GPER1: variants seen among roughly 807,000 people sequenced by gnomAD.
The protein encoded by GPER1 is G protein-coupled estrogen receptor 1.
GPER1 carries 2 observed loss-of-function variants against 0.6 expected under a neutral mutation model. That is an observed-to-expected ratio of 3.41 (90% confidence interval 1.39 to 10.72). The LOEUF (loss-of-function observed/expected upper bound fraction) is 10.72. Among genes scored for constraint, GPER1 ranks in the 30% most tolerant of loss-of-function variants. The pLI is 0.04. For missense variants in GPER1, 441 were observed against 535.2 expected, an observed-to-expected ratio of 0.82 and a Z score of 1.74; for synonymous variants, 263 against 247.6, an observed-to-expected ratio of 1.06 and a Z score of -0.58.
In GPER1 at chr7:1,088,674, C is replaced by G. The variant is rs942980298; in HGVS notation, c.-323+353C>G. Among the ~76,000 whole-genome samples, 1 of 152,212 alleles carries G rather than the reference C, an allele frequency of 6.6e-6. No homozygotes were observed. The highest frequency in any genetic ancestry group is 2.1e-4 in the South Asian group (1 of 4,838). On this transcript the variant is annotated intron_variant, in intron 1 of 1. Transcript: ENST00000397088. This position sits in a 1 kb window ranked among gnomAD's most constrained non-coding sequence, Gnocchi z 4.5. Reference sequence around the variant, plus strand: ...CCCTGCGGTGCCCCAGTCACTCTCACCAACCCTGAAGCCCTGGGAGGGCCA... The same window carrying G: ...CCCTGCGGTGCCCCAGTCACTCTCAGCAACCCTGAAGCCCTGGGAGGGCCA...
chr7:1,092,987 C>T lies in GPER1; in HGVS notation c.*131C>T, dbSNP rs941555697. 27 of 859,600 alleles carry T rather than the reference C, an allele frequency of 3.1e-5. No homozygotes were observed. The highest frequency in any genetic ancestry group is 4.7e-5 in the Non-Finnish European group (24 of 516,014). The allele number at this position is 859,600 out of a possible 1,614,324, so 53.2% of individuals were successfully genotyped here. A position where few individuals can be genotyped will look rare whatever the true frequency, so the allele number is the denominator to read the frequency against. Reference sequence around the variant, plus strand: ...TGGCTTCTGGCTCCTCGGGGCCTCGCGAGGGTCACGCTTGCCTGGTCACCC... The same window carrying T: ...TGGCTTCTGGCTCCTCGGGGCCTCGTGAGGGTCACGCTTGCCTGGTCACCC... On this transcript the variant is annotated 3_prime_UTR_variant, in exon 2 of 2. Transcript: ENST00000397088.
chr7:1,090,970 A>T (rs138249891), intron 1 of GPER1, among the ~76,000 whole-genome samples: 1 of 151,544 alleles, frequency 6.6e-6, no homozygotes, highest in South Asian at 2.1e-4. Flanking sequence ...TTCTGGACCC[A>T]CTCTCTCTCT....
Position 1,092,108 on chromosome 7 carries a change from C to T in GPER1, c.380C>T (p.Ala127Val). 1 of 1,613,868 alleles carries T rather than the reference C, an allele frequency of 6.2e-7. No individual in the cohort carries two copies. Among genetic ancestry groups the T allele is most frequent in the African/African-American group, 1.3e-5 (1 of 75,068 alleles). The change falls in exon 2 of 2, where the codon GCC becomes GTC. Residue 127 changes from alanine to valine, a missense_variant. Transcript: ENST00000397088. ...FNLHERYYDIAVLCTFMSLFL... is the reference protein window; with the variant it reads ...FNLHERYYDIVVLCTFMSLFL... ...CTGCACGAGCGGTACTACGACATCGCCGTCCTGTGCACCTTCATGTCGCTC... is the reference window on the plus strand; with the variant it reads ...CTGCACGAGCGGTACTACGACATCGTCGTCCTGTGCACCTTCATGTCGCTC...
upstream of GPER1, among the ~76,000 whole-genome samples, chr7:1,087,470 G>A (rs2128224323): frequency 6.6e-6 from 1 of 152,312 alleles, no homozygotes; most frequent in South Asian, 2.1e-4. Context: ...CTGCCTGAAG[G>A]CAACTTTATA....
rs1787568335 is a variant in GPER1, at chr7:1,088,125, G to A, written c.-519G>A. On this transcript the variant is annotated 5_prime_UTR_variant, in exon 1 of 2. Coordinates refer to ENST00000397088, the MANE Select transcript of GPER1 (RefSeq NM_001098201.3). This position sits in a 1 kb window ranked among gnomAD's most constrained non-coding sequence, Gnocchi z 4.5. ...AAGGGGCAGACTCACTGGCTCAGAG[G>A]GAGGACGCACCCGCCAGCCAGCCGG... 6.6e-6 allele frequency: 1 copy of A among 152,308 alleles called. No individual in the cohort carries two copies. Among genetic ancestry groups the A allele is most frequent in the Admixed American group, 6.5e-5 (1 of 15,292 alleles). The allele number at this position is 152,308 out of a possible 1,614,324, so 9.4% of individuals were successfully genotyped here.
In GPER1 at chr7:1,092,197, A is replaced by G. The variant is rs1788062209; in HGVS notation, c.469A>G (p.Ile157Val). 6.2e-7 allele frequency: 1 copy of G among 1,613,164 alleles called. No homozygotes were observed. Among genetic ancestry groups the G allele is most frequent in the Admixed American group, 1.7e-5 (1 of 60,008 alleles). ...FLTWMSFDRY[I>V]ALARAMRCSL... ...CACCTGGATGAGCTTCGACCGCTAC[A>G]TCGCCCTGGCCAGGGCCATGCGCTG... The change falls in exon 2 of 2, where the codon ATC becomes GTC. Residue 157 changes from isoleucine (I) to valine (V), a missense_variant. Coordinates refer to ENST00000397088, the MANE Select transcript of GPER1 (RefSeq NM_001098201.3).
Position 1,093,421 on chromosome 7 carries a change from G to A in GPER1, c.*565G>A, listed in dbSNP as rs1217806844. ...AGGAAAACATGCTGCTCTGGTGCACGCCTGAGCGTCCTCCATCTTCCAGGA... is the reference window on the plus strand; with the variant it reads ...AGGAAAACATGCTGCTCTGGTGCACACCTGAGCGTCCTCCATCTTCCAGGA... On this transcript the variant is annotated 3_prime_UTR_variant, in exon 2 of 2. Transcript: ENST00000397088. 3 of 461,640 alleles carry A rather than the reference G, an allele frequency of 6.5e-6. No individual in the cohort carries two copies. The highest frequency in any genetic ancestry group is 4.4e-4 in the Middle Eastern group (1 of 2,296). The allele number at this position is 461,640 out of a possible 1,614,324, so 28.6% of individuals were successfully genotyped here. A position where few individuals can be genotyped will look rare whatever the true frequency, so the allele number is the denominator to read the frequency against.
In GPER1 at chr7:1,092,974, C is replaced by A. The variant is rs768111607; in HGVS notation, c.*118C>A. ...CTGCGGTCAGATGTGGCTTCTGGCTCCTCGGGGCCTCGCGAGGGTCACGCT... is the reference window on the plus strand; with the variant it reads ...CTGCGGTCAGATGTGGCTTCTGGCTACTCGGGGCCTCGCGAGGGTCACGCT... On this transcript the variant is annotated 3_prime_UTR_variant, in exon 2 of 2. Transcript: ENST00000397088. 1 of 951,468 alleles carries A rather than the reference C, an allele frequency of 1.1e-6. No individual in the cohort carries two copies. Among genetic ancestry groups the A allele is most frequent in the South Asian group, 1.4e-5 (1 of 71,762 alleles). The allele number at this position is 951,468 out of a possible 1,614,324, so 58.9% of individuals were successfully genotyped here.
chr7:1,093,181 G>A lies in GPER1; in HGVS notation c.*325G>A, dbSNP rs1381225350. ...CCGCTGCACCTGCCTGCCGCTGCAG[G>A]AAACATTTCTGACACCGTCGACCAG... On this transcript the variant is annotated 3_prime_UTR_variant, in exon 2 of 2. Transcript: ENST00000397088. 1 of 554,914 alleles carries A rather than the reference G, an allele frequency of 1.8e-6. No individual in the cohort carries two copies. The highest frequency in any genetic ancestry group is 2.2e-5 in the Admixed American group (1 of 44,880). 34.4% of individuals were successfully genotyped at this position (554,914 alleles called of 1,614,324 possible). A position where few individuals can be genotyped will look rare whatever the true frequency, so the allele number is the denominator to read the frequency against.
chr7:1,090,485 G>A (rs1787850706), intron 1 of GPER1, among the ~76,000 whole-genome samples: 1 of 151,398 alleles, frequency 6.6e-6, no homozygotes, highest in African/African-American at 2.4e-5. Context: ...GGTGGGTGAT[G>A]GGACCCTCCC....
At position 1,093,058 on chromosome 7, in the gene GPER1, A is replaced by T; in HGVS notation, c.*202A>T. 1 of 709,122 alleles carries T rather than the reference A, an allele frequency of 1.4e-6. No individual in the cohort carries two copies. The highest frequency in any genetic ancestry group is 2.6e-6 in the Non-Finnish European group (1 of 383,120). 43.9% of individuals were successfully genotyped at this position (709,122 alleles called of 1,614,324 possible). ...CACGACTGGTCACCTTGCACTCCTC[A>T]CACAGAATTGCTACAATCCCAAAGC... On this transcript the variant is annotated 3_prime_UTR_variant, in exon 2 of 2. Coordinates refer to ENST00000397088, the MANE Select transcript of GPER1 (RefSeq NM_001098201.3).
intron 1 of GPER1, among the ~76,000 whole-genome samples, chr7:1,090,746 G>A (rs1170181621): frequency 6.6e-6 from 1 of 152,226 alleles, no homozygotes; most frequent in African/African-American, 2.4e-5. Context: ...TTCTTCCTAG[G>A]TTACAAACAG....
rs1450957839 is a variant in GPER1, at chr7:1,093,317, G to A, written c.*461G>A. 7.1e-6 allele frequency: 3 copies of A among 424,490 alleles called. No homozygotes were observed. The East Asian group carries it at 2.1e-4, about 30-fold the overall frequency. 26.3% of individuals were successfully genotyped at this position (424,490 alleles called of 1,614,324 possible). A position where few individuals can be genotyped will look rare whatever the true frequency, so the allele number is the denominator to read the frequency against. On this transcript the variant is annotated 3_prime_UTR_variant, in exon 2 of 2. Coordinates refer to ENST00000397088, the MANE Select transcript of GPER1 (RefSeq NM_001098201.3). ...ACGCTGGAGATGCAAGGTGCTGGTG[G>A]GTCTGAGCTGGACGTCGCGGTGTGT...
rs149599681 is a variant in GPER1, at chr7:1,091,733, A to T, written c.5A>T (p.Asp2Val). The T allele has an allele frequency of 9.9e-5, 151 of 1,527,214 alleles. No homozygotes were observed. Among genetic ancestry groups the T allele is most frequent in the Non-Finnish European group, 1.2e-4 (140 of 1,137,062 alleles). The allele number at this position is 1,527,214 out of a possible 1,614,324, so 94.6% of individuals were successfully genotyped here. A position where few individuals can be genotyped will look rare whatever the true frequency, so the allele number is the denominator to read the frequency against. The change falls in exon 2 of 2, where the codon GAT becomes GTT. Residue 2 changes from aspartate (D) to valine (V), a missense_variant. Coordinates refer to ENST00000397088, the MANE Select transcript of GPER1 (RefSeq NM_001098201.3). MDVTSQARGVGL... is the reference protein window; with the variant it reads MVVTSQARGVGL... The stretch of plus-strand genomic sequence containing the variant: ...AAAGCTGCACGGTGCAGAGACATGG[A>T]TGTGACTTCCCAAGCCCGGGGCGTG...
Position 1,091,872 on chromosome 7 carries a change from G to A in GPER1, c.144G>A (p.Glu48=). The stretch of plus-strand genomic sequence containing the variant: ...CCGCCCTGGCCAATGGGACAGGTGA[G>A]CTCTCGGAGCACCAGCAGTACGTGA... The part of the protein sequence containing the change: ...LGTALANGTG[E]LSEHQQYVIG... The change falls in exon 2 of 2, where the codon GAG becomes GAA. Residue 48 remains glutamate (E), a synonymous_variant. Transcript: ENST00000397088. The A allele has an allele frequency of 6.2e-7, 1 of 1,613,750 alleles. No homozygotes were observed. Among genetic ancestry groups the A allele is most frequent in the South Asian group, 1.1e-5 (1 of 91,080 alleles).
Position 1,092,488 on chromosome 7 carries a change from C to G in GPER1, c.760C>G (p.Arg254Gly). Residue 254 changes from arginine (R) to glycine (G), a missense_variant, in exon 2 of 2, where the codon CGG (arginine) becomes GGG (glycine). Coordinates refer to ENST00000397088, the MANE Select transcript of GPER1 (RefSeq NM_001098201.3). ...CCGGCACCGTGGGCTGCGGCCCCGGCGGCAGAAGGCGCTCCGCATGATCCT... is the reference window on the plus strand; with the variant it reads ...CCGGCACCGTGGGCTGCGGCCCCGGGGGCAGAAGGCGCTCCGCATGATCCT... Reference protein sequence around the residue: ...AHRHRGLRPRRQKALRMILAV... With the variant: ...AHRHRGLRPRGQKALRMILAV... 1 of 1,607,404 alleles carries G rather than the reference C, an allele frequency of 6.2e-7. No individual in the cohort carries two copies. Among genetic ancestry groups the G allele is most frequent in the Non-Finnish European group, 8.5e-7 (1 of 1,179,694 alleles).
chr7:1,091,964 T>C lies in GPER1; in HGVS notation c.236T>C (p.Leu79Pro). The C allele has an allele frequency of 6.2e-7, 1 of 1,614,148 alleles. No individual in the cohort carries two copies. The highest frequency in any genetic ancestry group is 8.5e-7 in the Non-Finnish European group (1 of 1,180,036). Residue 79 changes from leucine to proline, a missense_variant, in exon 2 of 2, where the codon CTG becomes CCG. Leu to Pro is a moderately conservative substitution (Grantham distance 98, BLOSUM62 -3). Transcript: ENST00000397088. The stretch of plus-strand genomic sequence containing the variant: ...CCCATCGGCTTTGTGGGCAACATCC[T>C]GATCCTGGTGGTGAACATCAGCTTC... ...LFPIGFVGNI[L>P]ILVVNISFRE...
intron 1 of GPER1, among the ~76,000 whole-genome samples, chr7:1,090,008 C>T (rs1173142485): frequency 2.0e-5 from 3 of 151,640 alleles, no homozygotes; most frequent in East Asian, 1.9e-4. Flanking sequence ...CACTCTAACC[C>T]GGGAGGCGGC....
intron 1 of GPER1, among the ~76,000 whole-genome samples, chr7:1,091,079 G>A (rs1028179955): frequency 7.2e-5 from 11 of 152,092 alleles, no homozygotes; most frequent in African/African-American, 1.4e-4. Context: ...TGGGGCGGCC[G>A]TGCCCATACC....
Sources: allele counts gnomAD v4.1 joint callset (sites outside exome capture counted in the v4.1 genomes callset), GRCh38; gene constraint gnomAD v4.1.1; non-coding constraint Gnocchi (gnomAD v3.1); transcripts MANE v1.5; gene names NCBI Gene and HGNC (gene_info 2026-07-23, HGNC 2026-07-21).